FGF14: variants seen among roughly 807,000 people sequenced by gnomAD.
FGF14 encodes the protein fibroblast growth factor 14.
Under a neutral mutation model 25.5 loss-of-function variants are expected in FGF14, and 5 were observed. That is an observed-to-expected ratio of 0.20 (90% CI 0.10 to 0.41). FGF14 has a LOEUF of 0.41. Among genes scored for constraint, FGF14 ranks in the 10% least tolerant of loss-of-function variants. The pLI, the probability that FGF14 is intolerant of heterozygous loss-of-function variation, is 1.00. For missense variants in FGF14, 222 were observed against 320.1 expected (o/e 0.69, Z 2.34); for synonymous variants, 138 against 118.3 (o/e 1.17, Z -1.08).
chr13:101,943,178 T>C (rs1050225380), intron 1 of FGF14, among the ~76,000 whole-genome samples: 2 of 152,232 alleles, frequency 1.3e-5, no homozygotes, highest in Non-Finnish European at 2.9e-5. Flanking sequence ...CTAGGCAGTC[T>C]AGCTGGAAAG....
At chr13:102,008,548 CATGTA>C (rs748681293) in intron 1 of FGF14, among the ~76,000 whole-genome samples, 10 of 152,150 alleles carry the variant, frequency 6.6e-5, no homozygotes, top group African/African-American at 1.4e-4. Context: ...GACGTTCAGT[CATGTA>C]ATGTAATGTA....
Sources: gnomAD v4.1 joint callset for allele counts (sites outside exome capture counted in the v4.1 genomes callset) on GRCh38, gnomAD v4.1.1 for gene constraint, MANE v1.5 for transcripts, NCBI Gene and HGNC (gene_info 2026-07-23, HGNC 2026-07-21) for gene names.